Variants in KCNH1 observed in about 807,000 individuals in gnomAD.
The protein encoded by KCNH1 is potassium voltage-gated channel subfamily H member 1, also known as voltage-gated delayed rectifier potassium channel KCNH1.
A neutral mutation model predicts 69.2 loss-of-function variants in KCNH1; 27 were observed. The observed-to-expected ratio is 0.39, with a 90% confidence interval of 0.29 to 0.54. KCNH1 has a LOEUF of 0.54. Among genes scored for constraint, KCNH1 ranks in the 20% least tolerant of loss-of-function variants. KCNH1 has a pLI of 0.68. For synonymous variants in KCNH1, 456 were observed against 487.7 expected, an observed-to-expected ratio of 0.93 and a Z score of 0.86; for missense variants, 798 against 1,261.6, an observed-to-expected ratio of 0.63 and a Z score of 5.57.
chr1:210,762,400 G>A (rs756246977), intron 10 of KCNH1, among the ~76,000 whole-genome samples: 8 of 152,078 alleles, frequency 5.3e-5, no homozygotes, highest in Non-Finnish European at 1.0e-4. Context: ...AAATGAAACT[G>A]AGACCAAAAA....
At chr1:210,803,753 C>G (rs564469145) in intron 8 of KCNH1, among the ~76,000 whole-genome samples, 4 of 152,252 alleles carry the variant, frequency 2.6e-5, no homozygotes, top group Admixed American at 6.5e-5. Flanking sequence ...ATACACCCTG[C>G]CTTTCTAATT....
rs148918234 is a variant in KCNH1 at position 211,133,029 on chromosome 1, T to G, written c.79+838A>C. 6.2e-4 allele frequency: 95 copies of G among 152,370 alleles called. No homozygotes were observed. The highest frequency in any genetic ancestry group is 2.0e-3 in the African/African-American group (84 of 41,558). The allele number at this position is 152,370 out of a possible 1,614,324, so 9.4% of individuals were successfully genotyped here. ...CAAGGCTTCATGCTACCGTCGATCT[T>G]AATGCCACAAGGAAACAGATGAGTG... On this transcript the variant is annotated intron_variant, in intron 1 of 10. Transcript: ENST00000271751. This position sits in a 1 kb window ranked among gnomAD's most constrained non-coding sequence, Gnocchi z 5.4.
At chr1:210,936,107 A>G (rs1375645146) in intron 6 of KCNH1, among the ~76,000 whole-genome samples, 2 of 152,220 alleles carry the variant, frequency 1.3e-5, no homozygotes, top group Non-Finnish European at 2.9e-5. Context: ...TTTCAGGTTG[A>G]TAGATAGTTC....
Position 210,919,247 on chromosome 1 carries a change from G to C in KCNH1, c.1462+393C>G, listed in dbSNP as rs1687410154. ...TTATTAAAAAGAAAAAAATTGACATGAAAAGACTTCCATAATTCACTGTTC... is the reference window on the plus strand; with the variant it reads ...TTATTAAAAAGAAAAAAATTGACATCAAAAGACTTCCATAATTCACTGTTC... On this transcript the variant is annotated intron_variant, in intron 7 of 10. Coordinates refer to ENST00000271751, the MANE Select transcript of KCNH1 (RefSeq NM_172362.3). The surrounding 1 kb of genome is among the most constrained non-coding windows in gnomAD (Gnocchi z 4.2). The C allele has an allele frequency of 6.3e-6, 1 of 159,016 alleles. No homozygotes were observed. Among genetic ancestry groups the C allele is most frequent in the Admixed American group, 6.1e-5 (1 of 16,280 alleles). The allele number at this position is 159,016 out of a possible 1,614,324, so 9.9% of individuals were successfully genotyped here.
chr1:210,816,622 A>C (rs191359932), intron 7 of KCNH1, among the ~76,000 whole-genome samples: 2 of 152,374 alleles, frequency 1.3e-5, no homozygotes, highest in African/African-American at 4.8e-5. Context: ...ACTGGCTTGC[A>C]GGTTTGCAAA....
rs966446542 is a variant in KCNH1, at chr1:211,017,831, A to G, written c.1032+952T>C. On this transcript the variant is annotated intron_variant, in intron 6 of 10. Coordinates refer to ENST00000271751, the MANE Select transcript of KCNH1 (RefSeq NM_172362.3). ...GGACTAACAATTGAAAAGAGTTGCT[A>G]TAGTTTGAATGTTTGTCTCCTCCAA... 3.9e-5 allele frequency among the ~76,000 whole-genome samples: 6 copies of G among 152,278 alleles called. No homozygotes were observed. In the East Asian group the frequency reaches 1.2e-3, roughly 29 times the overall value.
intron 6 of KCNH1, among the ~76,000 whole-genome samples, chr1:210,981,030 A>G (rs149579447): frequency 0.028 from 4,216 of 152,278 alleles, 87 homozygotes; most frequent in Middle Eastern, 0.048. Context: ...TAAACATCCC[A>G]TAATAGGAAC....
intron 6 of KCNH1, among the ~76,000 whole-genome samples, chr1:210,983,132 G>A (rs1281568553): frequency 6.6e-6 from 1 of 151,672 alleles, no homozygotes; most frequent in South Asian, 2.1e-4. Flanking sequence ...TTTTTTTCTT[G>A]TAAATTTGTT....
chr1:211,083,306 T>C (rs1690890377), intron 4 of KCNH1, among the ~76,000 whole-genome samples: 1 of 152,216 alleles, frequency 6.6e-6, no homozygotes. Context: ...CTGTTCCCAG[T>C]CCCCAGGCTA....
intron 6 of KCNH1, among the ~76,000 whole-genome samples, chr1:211,007,284 G>T (rs1458587076): frequency 6.6e-6 from 1 of 152,166 alleles, no homozygotes; most frequent in Non-Finnish European, 1.5e-5. Flanking sequence ...GCATGGCTCT[G>T]ACACAGACTC....
intron 10 of KCNH1, among the ~76,000 whole-genome samples, chr1:210,722,192 T>G (rs1176513364): frequency 6.6e-6 from 1 of 152,172 alleles, no homozygotes; most frequent in Non-Finnish European, 1.5e-5. Flanking sequence ...CCCCATTCTA[T>G]GAATAGGGAT....
At chr1:210,965,917 C>T (rs1688390927) in intron 6 of KCNH1, among the ~76,000 whole-genome samples, 1 of 152,084 alleles carries the variant, frequency 6.6e-6, no homozygotes. Flanking sequence ...AAAGAGTCCA[C>T]ATAACCAAGA....
chr1:210,723,212 AT>A (rs1558440966), intron 10 of KCNH1, among the ~76,000 whole-genome samples: 1 of 152,196 alleles, frequency 6.6e-6, no homozygotes, highest in Non-Finnish European at 1.5e-5. Flanking sequence ...AAGAAAAAAA[AT>A]GATACCTTAC....
intron 6 of KCNH1, among the ~76,000 whole-genome samples, chr1:210,957,893 G>T (rs1375125232): frequency 6.6e-6 from 1 of 152,074 alleles, no homozygotes; most frequent in Non-Finnish European, 1.5e-5. Context: ...TCTTTTAATT[G>T]GGGCATTTAG....
intron 7 of KCNH1, among the ~76,000 whole-genome samples, chr1:210,903,675 T>C (rs1687041535): frequency 6.6e-6 from 1 of 152,116 alleles, no homozygotes. Flanking sequence ...CACTTTCCCA[T>C]TGGAATAAGG....
At chr1:210,830,076 A>C (rs1266634220) in intron 7 of KCNH1, among the ~76,000 whole-genome samples, 4 of 152,142 alleles carry the variant, frequency 2.6e-5, no homozygotes, top group Non-Finnish European at 5.9e-5. Flanking sequence ...GTGCTTAATA[A>C]ATATTTATTA....
intron 5 of KCNH1, among the ~76,000 whole-genome samples, chr1:211,035,978 G>GCAC (rs1315672110): frequency 6.6e-6 from 1 of 152,200 alleles, no homozygotes; most frequent in Admixed American, 6.5e-5. Context: ...TGTTACCAAT[G>GCAC]CACCAGGCGC....
At chr1:210,895,849 T>C (rs1686855263) in intron 7 of KCNH1, among the ~76,000 whole-genome samples, 2 of 152,098 alleles carry the variant, frequency 1.3e-5, no homozygotes. Flanking sequence ...CAACGCCATA[T>C]CACATTCAGG....
At chr1:211,085,040 T>G (rs911506634) in intron 4 of KCNH1, among the ~76,000 whole-genome samples, 1 of 152,290 alleles carries the variant, frequency 6.6e-6, no homozygotes, top group South Asian at 2.1e-4. Context: ...GATGCATATC[T>G]AATCCAGGCT....
Sources: allele counts gnomAD v4.1 joint callset (sites outside exome capture counted in the v4.1 genomes callset), GRCh38; gene constraint gnomAD v4.1.1; non-coding constraint Gnocchi (gnomAD v3.1); transcripts MANE v1.5; gene names NCBI Gene and HGNC (gene_info 2026-07-23, HGNC 2026-07-21).